Variants in FBN2 observed in about 807,000 individuals in gnomAD.
FBN2 encodes fibrillin-2.
A neutral mutation model predicts 355.6 loss-of-function variants in FBN2; 105 were observed. The ratio of observed to expected loss-of-function variants is 0.30; its 90% CI spans 0.25 to 0.35. The LOEUF (loss-of-function observed/expected upper bound fraction) is 0.35, where lower values mean the gene tolerates loss of function less well. FBN2 is among the 10% of genes least tolerant of loss of function. The probability of loss-of-function intolerance (pLI) is 1.00; values close to 1 mark genes in which losing one functional copy is unlikely to be tolerated. For missense variants in FBN2, 3,280 were observed against 3,758.7 expected, an observed-to-expected ratio of 0.87 and a Z score of 3.33; for synonymous variants, 1,350 against 1,301.2, an observed-to-expected ratio of 1.04 and a Z score of -0.81.
chr5:128,329,283 A>T (rs775042657), intron 33 of FBN2, among the ~76,000 whole-genome samples: 2 of 152,194 alleles, frequency 1.3e-5, no homozygotes, highest in Non-Finnish European at 2.9e-5. Context: ...GGGAATGGGG[A>T]AAGTTTCTTT....
In FBN2 at chr5:128,265,370, C is replaced by T. The variant is rs200842394; in HGVS notation, c.7961-1714G>A. Reference sequence around the variant, plus strand: ...AAATTATATTTAAACATATCACTTACAAGAATATTTAAAAATATGTAACAT... The same window carrying T: ...AAATTATATTTAAACATATCACTTATAAGAATATTTAAAAATATGTAACAT... On this transcript the variant is annotated intron_variant, in intron 62 of 64. Coordinates refer to ENST00000262464, the MANE Select transcript of FBN2 (RefSeq NM_001999.4). 1.4e-4 allele frequency among the ~76,000 whole-genome samples: 22 copies of T among 152,238 alleles called. No individual in the cohort carries two copies. In the South Asian group the frequency reaches 2.5e-3, roughly 17 times the overall value.
At chr5:128,456,828 A>C (rs1754408394) in intron 6 of FBN2, among the ~76,000 whole-genome samples, 1 of 152,182 alleles carries the variant, frequency 6.6e-6, no homozygotes, top group Non-Finnish European at 1.5e-5. Context: ...GAAACTAGAC[A>C]AACACACAAA....
chr5:128,370,089 T>C (rs554815743), intron 15 of FBN2, among the ~76,000 whole-genome samples: 80 of 152,280 alleles, frequency 5.3e-4, no homozygotes, highest in African/African-American at 1.9e-3. Context: ...TTATGTGACT[T>C]CTAAAACTCT....
At chr5:128,470,605 T>G (rs747483144) in intron 5 of FBN2, among the ~76,000 whole-genome samples, 1 of 152,116 alleles carries the variant, frequency 6.6e-6, no homozygotes, top group East Asian at 1.9e-4. Context: ...TGTTAGCATA[T>G]TTTGAAATTA....
intron 48 of FBN2, among the ~76,000 whole-genome samples, chr5:128,293,918 T>C (rs1359646989): frequency 6.6e-6 from 1 of 152,054 alleles, no homozygotes; most frequent in East Asian, 1.9e-4. Context: ...ACATGTGCCA[T>C]GCTGGTGTGC....
chr5:128,450,852 GATTT>G (rs1232842907), intron 6 of FBN2, among the ~76,000 whole-genome samples: 2 of 151,942 alleles, frequency 1.3e-5, no homozygotes, highest in Admixed American at 6.6e-5. Context: ...TTACATAATA[GATTT>G]ATTAATGCTA....
Position 128,274,625 on chromosome 5 carries a change from C to T in FBN2, c.7653G>A (p.Leu2551=). ...GTGGACATTTACAGGTAAACCCCCC[C>T]AGGGTGTTGACACAGAGGAACTGGC... The part of the protein sequence containing the change: ...HNCQFLCVNT[L]GGFTCKCPPG... Residue 2551 remains leucine (L), a synonymous_variant, in exon 60 of 65, where the codon CTG becomes CTA. Coordinates refer to ENST00000262464, the MANE Select transcript of FBN2 (RefSeq NM_001999.4). 6.2e-7 allele frequency: 1 copy of T among 1,613,582 alleles called. No individual in the cohort carries two copies. The highest frequency in any genetic ancestry group is 8.5e-7 in the Non-Finnish European group (1 of 1,179,542).
At position 128,335,250 on chromosome 5, in the gene FBN2, T is replaced by G; in HGVS notation, c.3893A>C (p.Gln1298Pro). Residue 1298 changes from glutamine (Q) to proline (P), a missense_variant, in exon 30 of 65, where the codon CAG becomes CCG. By Grantham distance (76) the Gln-to-Pro change is moderately conservative (BLOSUM62 -1). Transcript: ENST00000262464. ...ATACTCTCCAGGAATGTTGGTACAC[T>G]GGCCGCCATCACAGATATCAGGATT... ...ENNPDICDGG[Q>P]CTNIPGEYRC... The G allele has an allele frequency of 6.2e-7, 1 of 1,614,196 alleles. No homozygotes were observed. Among genetic ancestry groups the G allele is most frequent in the Non-Finnish European group, 8.5e-7 (1 of 1,179,998 alleles).
chr5:128,391,915 T>C (rs1752521712), intron 11 of FBN2, 103 bp downstream of exon 11: 1 of 1,044,170 alleles, frequency 9.6e-7, no homozygotes, highest in Non-Finnish European at 1.5e-6. Flanking sequence ...AAATTAGCTG[T>C]ATTTCAAAAG....
chr5:128,290,324 A>G (rs1332646763), intron 50 of FBN2, among the ~76,000 whole-genome samples: 1 of 152,188 alleles, frequency 6.6e-6, no homozygotes, highest in Non-Finnish European at 1.5e-5. Flanking sequence ...TTTTCCTGTA[A>G]AGGGCCATTG....
chr5:128,536,791 C>T (rs897786862), intron 1 of FBN2, among the ~76,000 whole-genome samples: 3 of 152,264 alleles, frequency 2.0e-5, no homozygotes, highest in African/African-American at 2.4e-5. Flanking sequence ...ATGCAGAGAA[C>T]AAAGGGACCA....
rs2126960181 is a variant in FBN2 at position 128,378,836 on chromosome 5, G to C, written c.1658C>G (p.Pro553Arg). ...PCTNGDCVNT[P>R]GSYYCKCHAG... ...ATGACATTTACAATAATAGGAACCAGGTGTGTTAACACAATCTCCATTAGT... is the reference window on the plus strand; with the variant it reads ...ATGACATTTACAATAATAGGAACCACGTGTGTTAACACAATCTCCATTAGT... The change falls in exon 12 of 65, where the codon CCT becomes CGT. Residue 553 changes from proline to arginine, a missense_variant. Pro to Arg is a moderately radical substitution (Grantham distance 103). Transcript: ENST00000262464. 1 of 1,613,098 alleles carries C rather than the reference G, an allele frequency of 6.2e-7. No individual in the cohort carries two copies. The highest frequency in any genetic ancestry group is 8.5e-7 in the Non-Finnish European group (1 of 1,179,256).
At chr5:128,341,496 T>C (rs255630) in intron 25 of FBN2, among the ~76,000 whole-genome samples, 38,098 of 152,060 alleles carry the variant, frequency 0.25, 5,871 homozygotes, top group East Asian at 0.78. Context: ...CTATTGGTAG[T>C]GTCGCTGGCA....
At chr5:128,364,455 A>T in intron 18 of FBN2, 145 bp downstream of exon 18, 1 of 836,852 alleles carries the variant, frequency 1.2e-6, no homozygotes, top group Non-Finnish European at 1.9e-6. Context: ...TTTGATTCTG[A>T]TATTTTCCTG....
intron 62 of FBN2, among the ~76,000 whole-genome samples, chr5:128,268,718 A>G (rs1765183687): frequency 1.3e-5 from 2 of 152,254 alleles, no homozygotes. Flanking sequence ...AGGCTGGTTC[A>G]ACATATGCAA....
chr5:128,331,656 G>C (rs1363447799), intron 32 of FBN2, among the ~76,000 whole-genome samples: 1 of 152,096 alleles, frequency 6.6e-6, no homozygotes, highest in African/African-American at 2.4e-5. Flanking sequence ...ATACCAGAGG[G>C]GATTCTTTTA....
intron 6 of FBN2, among the ~76,000 whole-genome samples, chr5:128,461,512 A>G (rs556398466): frequency 6.6e-6 from 1 of 152,246 alleles, no homozygotes; most frequent in Non-Finnish European, 1.5e-5. Flanking sequence ...TGTATACCCA[A>G]TGAATTATAA....
chr5:128,289,308 C>A, intron 51 of FBN2, 56 bp from the exon 52 acceptor site: 1 of 1,588,030 alleles, frequency 6.3e-7, no homozygotes, highest in Non-Finnish European at 8.6e-7. Context: ...GCCGGCCAGG[C>A]GCAGTGGCTC....
intron 4 of FBN2, among the ~76,000 whole-genome samples, chr5:128,523,073 T>C (rs1756477870): frequency 6.6e-6 from 1 of 152,178 alleles, no homozygotes; most frequent in Admixed American, 6.5e-5. Flanking sequence ...AGCACTTACT[T>C]TGTGCCAGGT....
Sources: gnomAD v4.1 joint callset for allele counts (sites outside exome capture counted in the v4.1 genomes callset) on GRCh38, gnomAD v4.1.1 for gene constraint, MANE v1.5 for transcripts, NCBI Gene and HGNC (gene_info 2026-07-23, HGNC 2026-07-21) for gene names.